IGFBP7: variants seen among roughly 807,000 people sequenced by gnomAD.
IGFBP7 encodes insulin-like growth factor-binding protein 7.
Under a neutral mutation model 29.4 loss-of-function variants are expected in IGFBP7, and 31 were observed. That is an observed-to-expected ratio of 1.05 (90% CI 0.79 to 1.42). The LOEUF is 1.42. IGFBP7 is among the 40% of genes most tolerant of loss of function. The probability of loss-of-function intolerance (pLI) is 0.00; values close to 1 mark genes in which losing one functional copy is unlikely to be tolerated. For missense variants in IGFBP7, 393 were observed against 395.5 expected (o/e 0.99, Z 0.05); for synonymous variants, 172 against 174.9 (o/e 0.98, Z 0.13).
intron 1 of IGFBP7, among the ~76,000 whole-genome samples, chr4:57,074,491 G>A (rs1725173853): frequency 6.6e-6 from 1 of 152,210 alleles, no homozygotes; most frequent in Non-Finnish European, 1.5e-5. Flanking sequence ...TCAGGGGAGT[G>A]TGAAAGTACT....
At chr4:57,063,124 C>A (rs1257997501) in intron 1 of IGFBP7, among the ~76,000 whole-genome samples, 1 of 151,246 alleles carries the variant, frequency 6.6e-6, no homozygotes, top group Non-Finnish European at 1.5e-5. Flanking sequence ...CTAGAATATT[C>A]CCCCCATTTC....
chr4:57,064,237 C>T (rs1724866055), intron 1 of IGFBP7, among the ~76,000 whole-genome samples: 1 of 152,194 alleles, frequency 6.6e-6, no homozygotes, highest in Admixed American at 6.5e-5. Context: ...GCCTGTGATC[C>T]CAGCTACTTG....
chr4:57,078,958 C>G (rs941730221), intron 1 of IGFBP7, among the ~76,000 whole-genome samples: 2 of 152,202 alleles, frequency 1.3e-5, no homozygotes, highest in Non-Finnish European at 2.9e-5. Flanking sequence ...CACAGGGCCC[C>G]CAGTTCTCTG....
At chr4:57,081,742 C>A (rs1725377302) in intron 1 of IGFBP7, among the ~76,000 whole-genome samples, 1 of 152,022 alleles carries the variant, frequency 6.6e-6, no homozygotes, top group Admixed American at 6.6e-5. Context: ...TCCGCTGGGG[C>A]CTTGATTTTA....
At chr4:57,053,496 A>G (rs1049845482) in intron 1 of IGFBP7, among the ~76,000 whole-genome samples, 1 of 152,212 alleles carries the variant, frequency 6.6e-6, no homozygotes, top group Non-Finnish European at 1.5e-5. Context: ...AAATCCATGA[A>G]GGACTTGAAA....
At chr4:57,084,326 T>C (rs1003404630) in intron 1 of IGFBP7, among the ~76,000 whole-genome samples, 1 of 152,130 alleles carries the variant, frequency 6.6e-6, no homozygotes, top group African/African-American at 2.4e-5. Flanking sequence ...AATCAATTAC[T>C]CAAATTTCAG....
chr4:57,084,210 G>A (rs914511169), intron 1 of IGFBP7, among the ~76,000 whole-genome samples: 1 of 152,156 alleles, frequency 6.6e-6, no homozygotes, highest in Non-Finnish European at 1.5e-5. Context: ...AATGAATGCA[G>A]ATTATCAGGG....
At chr4:57,038,291 T>C (rs1398206191) in intron 2 of IGFBP7, among the ~76,000 whole-genome samples, 1 of 152,224 alleles carries the variant, frequency 6.6e-6, no homozygotes, top group Admixed American at 6.5e-5. Flanking sequence ...CTGGGGTCTT[T>C]AAGCTGTAAT....
chr4:57,071,373 G>A (rs976797258), intron 1 of IGFBP7, among the ~76,000 whole-genome samples: 3 of 152,184 alleles, frequency 2.0e-5, no homozygotes, highest in African/African-American at 7.2e-5. Flanking sequence ...GTCAGTAGGA[G>A]GCCTATTTGG....
At chr4:57,102,524 T>C (rs887635087) in intron 1 of IGFBP7, among the ~76,000 whole-genome samples, 2 of 152,224 alleles carry the variant, frequency 1.3e-5, no homozygotes, top group African/African-American at 2.4e-5. Context: ...TGCTGTGTCA[T>C]CTAAATGTGC....
chr4:57,071,914 T>C (rs990014280), intron 1 of IGFBP7, among the ~76,000 whole-genome samples: 1 of 152,108 alleles, frequency 6.6e-6, no homozygotes, highest in African/African-American at 2.4e-5. Flanking sequence ...GATGGAAAGA[T>C]TGCTTGAGGA....
intron 1 of IGFBP7, among the ~76,000 whole-genome samples, chr4:57,082,685 G>A (rs1442825578): frequency 6.6e-6 from 1 of 152,152 alleles, no homozygotes; most frequent in Non-Finnish European, 1.5e-5. Context: ...GAAGCAGCAA[G>A]TTGTCTACTT....
intron 2 of IGFBP7, among the ~76,000 whole-genome samples, chr4:57,038,891 AC>A (rs1409323625): frequency 2.0e-5 from 3 of 152,008 alleles, no homozygotes; most frequent in Admixed American, 2.0e-4. Context: ...ACATGGAGAA[AC>A]CCTGTCTCTA....
intron 1 of IGFBP7, among the ~76,000 whole-genome samples, chr4:57,081,889 C>A (rs908294727): frequency 1.3e-5 from 2 of 152,136 alleles, no homozygotes; most frequent in African/African-American, 4.8e-5. Flanking sequence ...AATTGAATCA[C>A]CCTGCCTTCC....
chr4:57,041,916 G>A (rs992395279), intron 1 of IGFBP7, among the ~76,000 whole-genome samples: 3 of 152,174 alleles, frequency 2.0e-5, no homozygotes, highest in African/African-American at 7.2e-5. Context: ...GTGCTCAGGA[G>A]AGGCAGCTGG....
chr4:57,073,318 G>C (rs1355665487), intron 1 of IGFBP7, among the ~76,000 whole-genome samples: 1 of 151,956 alleles, frequency 6.6e-6, no homozygotes, highest in Non-Finnish European at 1.5e-5. Flanking sequence ...TTTTGGGTTG[G>C]GCATGGTGGT....
intron 1 of IGFBP7, among the ~76,000 whole-genome samples, chr4:57,050,023 G>T (rs1003778930): frequency 6.6e-6 from 1 of 151,320 alleles, no homozygotes; most frequent in Admixed American, 6.6e-5. Context: ...ACTTTCTCTT[G>T]CCATAAGCAG....
chr4:57,085,656 T>A (rs1725480430), intron 1 of IGFBP7, among the ~76,000 whole-genome samples: 1 of 152,164 alleles, frequency 6.6e-6, no homozygotes, highest in Non-Finnish European at 1.5e-5. Flanking sequence ...TCTCTCTCAC[T>A]CTTCTCTTAT....
intron 1 of IGFBP7, among the ~76,000 whole-genome samples, chr4:57,051,981 G>A (rs146738788): frequency 1.4e-4 from 22 of 152,262 alleles, no homozygotes; most frequent in African/African-American, 3.9e-4. Flanking sequence ...GGGCCAGCTC[G>A]GGAAGAGGAT....
Sources: gnomAD v4.1 joint callset for allele counts (sites outside exome capture counted in the v4.1 genomes callset) on GRCh38, gnomAD v4.1.1 for gene constraint, MANE v1.5 for transcripts, NCBI Gene and HGNC (gene_info 2026-07-23, HGNC 2026-07-21) for gene names.